Variants in TJP3 observed in about 807,000 individuals in gnomAD.
TJP3 encodes tight junction protein ZO-3.
TJP3 carries 85 observed loss-of-function variants against 104.2 expected under a neutral mutation model. That is an observed-to-expected ratio of 0.82 (90% confidence interval 0.68 to 0.98). The LOEUF (loss-of-function observed/expected upper bound fraction) is 0.98. TJP3 is among the 50% of genes least tolerant of loss of function. The pLI is 0.00. For missense variants in TJP3, 1,367 were observed against 1,322.8 expected (o/e 1.03, Z -0.52); for synonymous variants, 550 against 550.6 (o/e 1.00, Z 0.02).
intron 1 of TJP3, among the ~76,000 whole-genome samples, chr19:3,708,890 G>A (rs946780806): frequency 6.6e-6 from 1 of 152,190 alleles, no homozygotes. Context: ...GAGGAGGGGA[G>A]GGGATATCAG....
chr19:3,738,904 G>C lies in TJP3; in HGVS notation c.1401G>C (p.Trp467Cys), dbSNP rs776492408. 1.3e-6 allele frequency: 2 copies of C among 1,587,882 alleles called. No individual in the cohort carries two copies. The highest frequency in any genetic ancestry group is 2.3e-5 in the South Asian group (2 of 88,824). ...GCCTCCCGCTCTCCCCAGTTTTCTG[G>C]AAAATGGTGCAGTCCCGCGTGGGTG... ...LVTQRKQDIF[W>C]KMVQSRVGDS... Residue 467 changes from tryptophan (W) to cysteine (C), a missense_variant, in exon 13 of 21, where the codon TGG becomes TGC. Trp to Cys is a radical substitution (Grantham distance 215, BLOSUM62 -2). Transcript: ENST00000541714.
Position 3,738,898 on chromosome 19 carries a change from T to C in TJP3, c.1395T>C (p.Ile465=). 2 of 1,584,540 alleles carry C rather than the reference T, an allele frequency of 1.3e-6. No individual in the cohort carries two copies. The highest frequency in any genetic ancestry group is 1.1e-5 in the South Asian group (1 of 88,208). ...MELVTQRKQD[I]FWKMVQSRVG... ...CATGTGGCCTCCCGCTCTCCCCAGT[T>C]TTCTGGAAAATGGTGCAGTCCCGCG... Residue 465 remains isoleucine, a splice_region_variant and synonymous_variant, in exon 13 of 21, where the codon ATT becomes ATC. Transcript: ENST00000541714.
At chr19:3,721,905 T>A (rs1327832754) in intron 1 of TJP3, 1 of 1,228,396 alleles carries the variant, frequency 8.1e-7, no homozygotes, top group Admixed American at 4.2e-5. Context: ...GGCGGTGAGA[T>A]TCCAGGCGAG....
chr19:3,740,537 C>G lies in TJP3; in HGVS notation c.1632-15C>G. ...GCTGACCCCAGTGCTCAGTACTGTC[C>G]CCTCTTCTCCCCAGGGCGGAGCAGC... On this transcript the variant is annotated splice_polypyrimidine_tract_variant and intron_variant, in intron 13 of 20. Transcript: ENST00000541714. The G allele has an allele frequency of 7.0e-7, 1 of 1,436,876 alleles. No individual in the cohort carries two copies. Among genetic ancestry groups the G allele is most frequent in the Non-Finnish European group, 9.1e-7 (1 of 1,093,586 alleles). The allele number at this position is 1,436,876 out of a possible 1,614,324, so 89.0% of individuals were successfully genotyped here.
intron 1 of TJP3, among the ~76,000 whole-genome samples, chr19:3,724,111 C>A (rs1366782812): frequency 6.6e-6 from 1 of 152,048 alleles, no homozygotes; most frequent in Non-Finnish European, 1.5e-5. Context: ...GGAGACGAAC[C>A]CGCACAAGCT....
intron 3 of TJP3, 105 bp downstream of exon 3, chr19:3,728,818 T>TG: frequency 1.6e-6 from 2 of 1,246,474 alleles, no homozygotes; most frequent in Non-Finnish European, 2.3e-6. Flanking sequence ...TTTGCGAGGC[T>TG]GAAGTGGGCG....
intron 1 of TJP3, among the ~76,000 whole-genome samples, chr19:3,726,973 G>C (rs1214510412): frequency 6.6e-6 from 1 of 151,810 alleles, no homozygotes; most frequent in African/African-American, 2.4e-5. Context: ...TGTGGTCCCA[G>C]TTACTTGGGA....
At position 3,734,145 on chromosome 19, in the gene TJP3, C is replaced by T. The variant is rs1487937177; in HGVS notation, c.878-182C>T. 2.1e-5 allele frequency: 18 copies of T among 840,078 alleles called. No homozygotes were observed. The Admixed American group carries it at 5.0e-4, about 23-fold the overall frequency. The allele number at this position is 840,078 out of a possible 1,614,324, so 52.0% of individuals were successfully genotyped here. A position where few individuals can be genotyped will look rare whatever the true frequency, so the allele number is the denominator to read the frequency against. ...CGAGCGATTCTCGTGCCTTGGCCTC[C>T]TGAGTAGCTGGGATTATAGGCGTGA... On this transcript the variant is annotated intron_variant, in intron 7 of 20. Coordinates refer to ENST00000541714, the MANE Select transcript of TJP3 (RefSeq NM_001267560.2).
chr19:3,716,700 A>G (rs1599142321), intron 1 of TJP3, among the ~76,000 whole-genome samples: 1 of 145,564 alleles, frequency 6.9e-6, no homozygotes, highest in Middle Eastern at 3.5e-3. Flanking sequence ...ATCATGGATC[A>G]CTGCAGCCTC....
intron 1 of TJP3, among the ~76,000 whole-genome samples, chr19:3,709,676 T>C (rs1163024494): frequency 3.3e-5 from 5 of 152,252 alleles, no homozygotes; most frequent in Middle Eastern, 3.4e-3. Context: ...TGGGGTCACC[T>C]TGTGGCTGTG....
At chr19:3,725,189 G>A (rs1047200989) in intron 1 of TJP3, among the ~76,000 whole-genome samples, 14 of 152,194 alleles carry the variant, frequency 9.2e-5, no homozygotes, top group Admixed American at 9.2e-4. Flanking sequence ...TTGGGCCTGG[G>A]AGTTCAAGGC....
At chr19:3,750,307 G>A in intron 20 of TJP3, 123 bp downstream of exon 20, 2 of 1,306,590 alleles carry the variant, frequency 1.5e-6, no homozygotes, top group Non-Finnish European at 1.1e-6. Context: ...GGAAGACAGA[G>A]CCTGCCAGAG....
chr19:3,738,880 C>T lies in TJP3; in HGVS notation c.1394-17C>T, dbSNP rs200398189. 2.9e-4 allele frequency: 458 copies of T among 1,560,998 alleles called. No homozygotes were observed. The highest frequency in any genetic ancestry group is 3.6e-4 in the Non-Finnish European group (411 of 1,146,832). ...GCAGCAGCCCAGGCAGCTCATGTGG[C>T]CTCCCGCTCTCCCCAGTTTTCTGGA... On this transcript the variant is annotated splice_polypyrimidine_tract_variant and intron_variant, in intron 12 of 20. Coordinates refer to ENST00000541714, the MANE Select transcript of TJP3 (RefSeq NM_001267560.2).
intron 3 of TJP3, 66 bp from the exon 4 acceptor site, chr19:3,729,962 G>A (rs1457326373): frequency 2.2e-6 from 3 of 1,381,818 alleles, no homozygotes; most frequent in Admixed American, 1.7e-5. Flanking sequence ...CCCCTCCCCA[G>A]GGAGGGCTTG....
rs146343058 is a variant in TJP3 at position 3,731,541 on chromosome 19, G to A, written c.614-394G>A. ...CCAGCTACCTGGGAGGCTGAGGCAC[G>A]AGAATTGCTTAAACCCGGGAGGTAG... On this transcript the variant is annotated intron_variant, in intron 5 of 20. Transcript: ENST00000541714. Among the ~76,000 whole-genome samples, 542 of 152,304 alleles carry A rather than the reference G, an allele frequency of 3.6e-3. 1 individual carries two copies. Among genetic ancestry groups the A allele is most frequent in the African/African-American group, 0.012 (512 of 41,558 alleles).
chr19:3,721,903 G>T, intron 1 of TJP3: 1 of 1,224,974 alleles, frequency 8.2e-7, no homozygotes. Context: ...ATGGCGGTGA[G>T]ATTCCAGGCG....
intron 1 of TJP3, among the ~76,000 whole-genome samples, chr19:3,713,187 C>T (rs750832017): frequency 2.6e-5 from 4 of 152,120 alleles, no homozygotes; most frequent in Non-Finnish European, 4.4e-5. Context: ...TCTGCCCTTC[C>T]TCAAAGGTCG....
intron 1 of TJP3, among the ~76,000 whole-genome samples, chr19:3,723,871 C>T (rs1229949593): frequency 1.3e-5 from 2 of 150,226 alleles, no homozygotes; most frequent in African/African-American, 4.9e-5. Context: ...TCAGAGAAGA[C>T]TGGTTAGCTA....
At chr19:3,734,753 G>A (rs538405348) in intron 8 of TJP3, among the ~76,000 whole-genome samples, 1 of 152,250 alleles carries the variant, frequency 6.6e-6, no homozygotes, top group South Asian at 2.1e-4. Flanking sequence ...TTAGGAGTTC[G>A]AGAACAGCCT....
Sources: allele counts gnomAD v4.1 joint callset (sites outside exome capture counted in the v4.1 genomes callset), GRCh38; gene constraint gnomAD v4.1.1; transcripts MANE v1.5; gene names NCBI Gene and HGNC (gene_info 2026-07-23, HGNC 2026-07-21).